SLC4A4: variants seen among roughly 807,000 people sequenced by gnomAD.
SLC4A4 encodes solute carrier family 4 member 4.
A neutral mutation model predicts 111.5 loss-of-function variants in SLC4A4; 27 were observed. That is an observed-to-expected ratio of 0.24 (90% CI 0.18 to 0.33). The LOEUF is 0.33. Among genes scored for constraint, SLC4A4 ranks in the 10% least tolerant of loss-of-function variants. The pLI is 1.00. For missense variants in SLC4A4, 909 were observed against 1,315.5 expected (o/e 0.69, Z 4.78); for synonymous variants, 443 against 463.4 (o/e 0.96, Z 0.57).
At chr4:71,270,190 C>T (rs550469334) in intron 3 of SLC4A4, among the ~76,000 whole-genome samples, 78 of 152,232 alleles carry the variant, frequency 5.1e-4, no homozygotes, top group Middle Eastern at 6.8e-3. Context: ...TGGGTTCAAG[C>T]GATTCTCTTG....
chr4:71,099,885 C>T (rs1742671937), intron 2 of SLC4A4, among the ~76,000 whole-genome samples: 1 of 152,086 alleles, frequency 6.6e-6, no homozygotes, highest in South Asian at 2.1e-4. Context: ...TACATATATC[C>T]TCCCAAGACT....
chr4:71,487,050 T>C (rs188626466), intron 15 of SLC4A4, 32 bp downstream of exon 15: 18 of 1,236,142 alleles, frequency 1.5e-5, no homozygotes, highest in Non-Finnish European at 2.0e-5. Flanking sequence ...ATTACCTTCA[T>C]ACTGACTGCA....
chr4:71,461,277 G>A (rs1264820274), intron 12 of SLC4A4, among the ~76,000 whole-genome samples: 1 of 151,864 alleles, frequency 6.6e-6, no homozygotes, highest in Non-Finnish European at 1.5e-5. Flanking sequence ...TACTTTAGTG[G>A]GTGGAAAATT....
chr4:71,161,016 C>A (rs1277515599), intron 2 of SLC4A4, among the ~76,000 whole-genome samples: 14 of 152,144 alleles, frequency 9.2e-5, no homozygotes, highest in Admixed American at 9.2e-4. Flanking sequence ...CGTATTTTCA[C>A]AGTACTGATT....
intron 2 of SLC4A4, among the ~76,000 whole-genome samples, chr4:71,101,328 A>C (rs1264914498): frequency 6.6e-6 from 1 of 152,224 alleles, no homozygotes; most frequent in Non-Finnish European, 1.5e-5. Context: ...AAATGATCAT[A>C]CTACCCAAAG....
At chr4:71,199,484 TA>T (rs1383122757) in intron 1 of SLC4A4, among the ~76,000 whole-genome samples, 1 of 152,206 alleles carries the variant, frequency 6.6e-6, no homozygotes, top group African/African-American at 2.4e-5. Context: ...TGGGTGAGTT[TA>T]AAAATCATCA....
chr4:71,232,417 CT>C (rs985270527), intron 1 of SLC4A4, among the ~76,000 whole-genome samples: 6 of 152,124 alleles, frequency 3.9e-5, no homozygotes, highest in South Asian at 4.2e-4. Flanking sequence ...TTCTGTTTTT[CT>C]TTTTTCTTTT....
At chr4:71,244,773 C>CTTT (rs11440449) in intron 2 of SLC4A4, among the ~76,000 whole-genome samples, 2 of 146,002 alleles carry the variant, frequency 1.4e-5, no homozygotes, top group Non-Finnish European at 1.5e-5. Context: ...ATGGACCATG[C>CTTT]TTTTTTTTTT....
rs1327796210 is a variant in SLC4A4 at position 71,523,879 on chromosome 4, A to G, written c.2167-8183A>G. Among the ~76,000 whole-genome samples the G allele has an allele frequency of 1.3e-5, 2 of 152,058 alleles. 1 individual carries two copies. The highest frequency in any genetic ancestry group is 4.8e-5 in the African/African-American group (2 of 41,420). ...ATTAGAGGTTCAAGGAATGTTGATA[A>G]TTTGGTCTTAATGAATTTTAGTGTT... On this transcript the variant is annotated intron_variant, in intron 16 of 25. Coordinates refer to ENST00000264485, the MANE Select transcript of SLC4A4 (RefSeq NM_001098484.3).
At chr4:71,531,645 T>C (rs1467497843) in intron 16 of SLC4A4, among the ~76,000 whole-genome samples, 3 of 151,936 alleles carry the variant, frequency 2.0e-5, no homozygotes. Context: ...TGCAGATTTT[T>C]ATAATATGTA....
At chr4:71,559,508 A>G (rs1164639260) in intron 22 of SLC4A4, among the ~76,000 whole-genome samples, 1 of 151,866 alleles carries the variant, frequency 6.6e-6, no homozygotes, top group African/African-American at 2.4e-5. Context: ...GTTCTGAAGA[A>G]TAAATGAGAT....
At chr4:71,360,372 TAAA>T (rs1393893255) in intron 6 of SLC4A4, among the ~76,000 whole-genome samples, 1 of 152,176 alleles carries the variant, frequency 6.6e-6, no homozygotes, top group Non-Finnish European at 1.5e-5. Flanking sequence ...TCTCTAGGCT[TAAA>T]GAAGTGATGG....
At chr4:71,437,990 A>G (rs1197204547) in intron 7 of SLC4A4, 1 of 156,592 alleles carries the variant, frequency 6.4e-6, no homozygotes, top group Non-Finnish European at 1.4e-5. Context: ...GAGGTGTGGA[A>G]GAAACCCTGA....
intron 1 of SLC4A4, among the ~76,000 whole-genome samples, chr4:71,090,470 C>G (rs1742354817): frequency 6.6e-6 from 1 of 152,280 alleles, no homozygotes; most frequent in East Asian, 1.9e-4. Context: ...GCAGAAATCA[C>G]CCGTCTTCTG....
chr4:71,140,965 A>G (rs1743977849), intron 2 of SLC4A4, among the ~76,000 whole-genome samples: 1 of 152,230 alleles, frequency 6.6e-6, no homozygotes, highest in Non-Finnish European at 1.5e-5. Flanking sequence ...AAATTAAGCT[A>G]GTTAACATAT....
chr4:71,143,005 T>G lies in SLC4A4; in HGVS notation c.-2+50213T>G, dbSNP rs1744051553. Among the ~76,000 whole-genome samples the G allele has an allele frequency of 2.0e-5, 3 of 152,148 alleles. No individual in the cohort carries two copies. The South Asian group carries it at 6.2e-4, about 32-fold the overall frequency. On this transcript the variant is annotated intron_variant, in intron 2 of 26. Transcript: ENST00000649996. Reference sequence around the variant, plus strand: ...GGTACATGTGCACAACCTGCAGGTTTGTTACATATGTATACATGTGCCATG... The same window carrying G: ...GGTACATGTGCACAACCTGCAGGTTGGTTACATATGTATACATGTGCCATG...
Position 71,563,825 on chromosome 4 carries a change from T to C in SLC4A4, c.3132T>C (p.Ser1044=), listed in dbSNP as rs1332271808. The change falls in exon 24 of 26, where the codon AGT becomes AGC. Residue 1044 remains serine, a synonymous_variant. Transcript: ENST00000264485. ...SDCPYSEKVP[S]IKIPMDIMEQ... is the part of the protein sequence containing the mutation. ...GCCCATACTCAGAAAAAGTTCCAAG[T>C]ATTAAAATTCCAATGGACATCATGG... 12 of 1,611,370 alleles carry C rather than the reference T, an allele frequency of 7.4e-6. No homozygotes were observed. The highest frequency in any genetic ancestry group is 2.7e-5 in the African/African-American group (2 of 74,718).
intron 1 of SLC4A4, among the ~76,000 whole-genome samples, chr4:71,204,187 G>A (rs1296227265): frequency 6.6e-6 from 1 of 152,094 alleles, no homozygotes; most frequent in Non-Finnish European, 1.5e-5. Context: ...AACCTGGTGG[G>A]TTCACTTTAA....
intron 5 of SLC4A4, among the ~76,000 whole-genome samples, chr4:71,353,940 C>T (rs1730067591): frequency 6.6e-6 from 1 of 152,192 alleles, no homozygotes; most frequent in Non-Finnish European, 1.5e-5. Flanking sequence ...TGTTACTTCT[C>T]ACACTTACAT....
Sources: allele counts gnomAD v4.1 joint callset (sites outside exome capture counted in the v4.1 genomes callset), GRCh38; gene constraint gnomAD v4.1.1; transcripts MANE v1.5; gene names NCBI Gene and HGNC (gene_info 2026-07-23, HGNC 2026-07-21).